Variants in ANKRD30B observed in about 807,000 individuals in gnomAD.
The protein encoded by ANKRD30B is ankyrin repeat domain-containing protein 30B.
A neutral mutation model predicts 202.2 loss-of-function variants in ANKRD30B; 144 were observed. The observed-to-expected ratio is 0.71, with a 90% CI of 0.62 to 0.82. The LOEUF (loss-of-function observed/expected upper bound fraction) is 0.82. Ranked by LOEUF, ANKRD30B falls within the 40% of genes least tolerant of loss-of-function variation. The pLI is 0.00. For missense variants in ANKRD30B, 1,487 were observed against 1,669.1 expected (o/e 0.89, Z 1.90); for synonymous variants, 508 against 561.3 (o/e 0.91, Z 1.34).
At chr18:14,899,574 A>T in the ANKRD30B span, among the ~76,000 whole-genome samples, 1 of 152,128 alleles carries the variant, frequency 6.6e-6, no homozygotes, top group African/African-American at 2.4e-5. Flanking sequence ...GAGAGTCATT[A>T]TACCCCTCCA....
the ANKRD30B span, among the ~76,000 whole-genome samples, chr18:14,865,490 G>A: frequency 0.022 from 2,653 of 122,876 alleles, 37 homozygotes; most frequent in African/African-American, 0.059. Context: ...GCTCATCCCC[G>A]TTCCCCACTC....
At chr18:14,841,713 A>G (rs1193659602) in intron 37 of ANKRD30B, among the ~76,000 whole-genome samples, 4 of 152,188 alleles carry the variant, frequency 2.6e-5, no homozygotes, top group African/African-American at 9.7e-5. Context: ...GAAAGAAGAT[A>G]GCCAGCCAAC....
the ANKRD30B span, among the ~76,000 whole-genome samples, chr18:14,885,174 G>A: frequency 1.3e-5 from 2 of 152,052 alleles, no homozygotes; most frequent in Non-Finnish European, 2.9e-5. Flanking sequence ...TATACTGACT[G>A]TTAAATATTT....
At chr18:14,845,135 C>T (rs1363738037) in intron 39 of ANKRD30B, among the ~76,000 whole-genome samples, 1 of 151,902 alleles carries the variant, frequency 6.6e-6, no homozygotes, top group East Asian at 1.9e-4. Context: ...GTTGCCATGG[C>T]TTTTGATGTT....
the ANKRD30B span, among the ~76,000 whole-genome samples, chr18:14,879,492 G>C: frequency 6.6e-6 from 1 of 152,110 alleles, no homozygotes; most frequent in South Asian, 2.1e-4. Flanking sequence ...CTAAGACAGC[G>C]ATCATAACAA....
chr18:14,848,383 A>T (rs1198346286), intron 39 of ANKRD30B, among the ~76,000 whole-genome samples: 1 of 152,020 alleles, frequency 6.6e-6, no homozygotes, highest in Non-Finnish European at 1.5e-5. Flanking sequence ...TTCCTTTTCA[A>T]TCTTTGTTCC....
chr18:14,906,989 TAA>T, the ANKRD30B span, among the ~76,000 whole-genome samples: 6 of 152,174 alleles, frequency 3.9e-5, no homozygotes, highest in Non-Finnish European at 5.9e-5. Flanking sequence ...TAAGTTCATA[TAA>T]AGACCTGCGA....
At chr18:14,863,125 A>G in the ANKRD30B span, among the ~76,000 whole-genome samples, 140 of 152,278 alleles carry the variant, frequency 9.2e-4, 2 homozygotes, top group Non-Finnish European at 1.8e-4. Context: ...TTTGGGGACT[A>G]CTGAGAGATG....
At chr18:14,846,393 C>T (rs1422360763) in intron 39 of ANKRD30B, among the ~76,000 whole-genome samples, 3 of 151,418 alleles carry the variant, frequency 2.0e-5, no homozygotes, top group African/African-American at 4.9e-5. Flanking sequence ...GACTTAAATC[C>T]TTCTTAATCC....
rs1007335686 is a variant in ANKRD30B at position 14,799,016 on chromosome 18, C to T, written c.2030-85C>T. 29 of 1,287,664 alleles carry T rather than the reference C, an allele frequency of 2.3e-5. 1 individual carries two copies. The East Asian group carries it at 4.0e-4, about 18-fold the overall frequency. The allele number at this position is 1,287,664 out of a possible 1,614,324, so 79.8% of individuals were successfully genotyped here. A position where few individuals can be genotyped will look rare whatever the true frequency, so the allele number is the denominator to read the frequency against. ...TTTCAATCCAAGCATCATGAGGATT[C>T]GTCTTCATATTCACACTCTATGAAC... is the stretch of plus-strand genomic sequence containing the variant. On this transcript the variant is annotated intron_variant, in intron 20 of 43. Coordinates refer to ENST00000690538, the MANE Select transcript of ANKRD30B (RefSeq NM_001367607.2).
At chr18:14,860,953 G>T in the ANKRD30B span, among the ~76,000 whole-genome samples, 2 of 151,320 alleles carry the variant, frequency 1.3e-5, no homozygotes, top group South Asian at 4.1e-4. Flanking sequence ...TGCCTGCCTT[G>T]GCCTCCCAAA....
intron 3 of ANKRD30B, among the ~76,000 whole-genome samples, chr18:14,754,395 A>C (rs1212185210): frequency 2.0e-5 from 3 of 152,178 alleles, no homozygotes; most frequent in African/African-American, 7.2e-5. Flanking sequence ...TTATTGAATA[A>C]TGGACATTTA....
intron 8 of ANKRD30B, among the ~76,000 whole-genome samples, chr18:14,770,318 T>G (rs529044717): frequency 2.6e-5 from 4 of 152,172 alleles, no homozygotes; most frequent in Non-Finnish European, 5.9e-5. Flanking sequence ...CAACATGTAT[T>G]TAATATCCTG....
At chr18:14,909,796 GT>G in the ANKRD30B span, 2 of 152,146 alleles carry the variant, frequency 1.3e-5, no homozygotes, top group African/African-American at 4.8e-5. Context: ...ATTTCTAGAA[GT>G]GGTGGCTGGG....
At chr18:14,825,625 C>CA (rs1970626544) in intron 32 of ANKRD30B, among the ~76,000 whole-genome samples, 1 of 151,778 alleles carries the variant, frequency 6.6e-6, no homozygotes, top group African/African-American at 2.4e-5. Context: ...ATGCAACCCC[C>CA]CGGCCTTCCA....
chr18:14,924,793 G>A, the ANKRD30B span, among the ~76,000 whole-genome samples: 467 of 152,164 alleles, frequency 3.1e-3, 1 homozygote, highest in African/African-American at 0.011. Flanking sequence ...GATTCCTGGT[G>A]TTCCCCAGGC....
the ANKRD30B span, among the ~76,000 whole-genome samples, chr18:14,896,292 C>T: frequency 2.0e-5 from 3 of 152,008 alleles, no homozygotes; most frequent in Non-Finnish European, 1.5e-5. Context: ...CCACCACGCC[C>T]AGCTACTTTT....
At chr18:14,791,626 A>G in intron 16 of ANKRD30B, 135 bp downstream of exon 16, 2 of 678,890 alleles carry the variant, frequency 2.9e-6, no homozygotes, top group Non-Finnish European at 2.4e-6. Context: ...TGAAACGGTG[A>G]TAAGTTATAC....
chr18:14,930,053 C>G, the ANKRD30B span, among the ~76,000 whole-genome samples: 1 of 152,126 alleles, frequency 6.6e-6, no homozygotes, highest in African/African-American at 2.4e-5. Flanking sequence ...GATACTTCAG[C>G]CATGTTAGAT....
Sources: gnomAD v4.1 joint callset for allele counts (sites outside exome capture counted in the v4.1 genomes callset) on GRCh38, gnomAD v4.1.1 for gene constraint, MANE v1.5 for transcripts, NCBI Gene and HGNC (gene_info 2026-07-23, HGNC 2026-07-21) for gene names.